Variants in ESR1 observed in about 807,000 individuals in gnomAD.
ESR1 encodes the protein estrogen receptor.
In ESR1, 12 loss-of-function variants were observed where a neutral mutation model predicts 52.7. The ratio of observed to expected loss-of-function variants is 0.23; its 90% CI spans 0.15 to 0.37. The LOEUF (loss-of-function observed/expected upper bound fraction) is 0.37. Ranked by LOEUF, ESR1 falls within the 10% of genes least tolerant of loss-of-function variation. The pLI, the probability that ESR1 is intolerant of heterozygous loss-of-function variation, is 1.00. For missense variants in ESR1, 584 were observed against 779.7 expected, an observed-to-expected ratio of 0.75 and a Z score of 2.99; for synonymous variants, 305 against 316.8, an observed-to-expected ratio of 0.96 and a Z score of 0.39.
chr6:151,869,850 G>T (rs577293256), intron 2 of ESR1, among the ~76,000 whole-genome samples: 1 of 152,110 alleles, frequency 6.6e-6, no homozygotes, highest in Non-Finnish European at 1.5e-5. Flanking sequence ...GGAGGTGGTG[G>T]TTGTCACTGA....
intron 3 of ESR1, among the ~76,000 whole-genome samples, chr6:151,899,755 G>C: frequency 6.6e-6 from 1 of 151,666 alleles, no homozygotes; most frequent in East Asian, 2.0e-4. Context: ...TCACATCCCA[G>C]ACGGGGCGGC....
At chr6:151,899,731 G>A (rs1045616435) in intron 3 of ESR1, among the ~76,000 whole-genome samples, 15 of 151,092 alleles carry the variant, frequency 9.9e-5, no homozygotes, top group Admixed American at 3.9e-4. Context: ...GGGGCGGCCC[G>A]GCAGAGACGC....
At chr6:151,722,749 C>T (rs575088393) in intron 2 of ESR1, among the ~76,000 whole-genome samples, 12 of 152,318 alleles carry the variant, frequency 7.9e-5, no homozygotes, top group Admixed American at 5.9e-4. Context: ...AATTTCATAA[C>T]ATTTATTAGA....
intron 4 of ESR1, among the ~76,000 whole-genome samples, 175 bp from the exon 5 acceptor site, chr6:152,011,481 G>A (rs1332581067): frequency 6.6e-6 from 1 of 152,120 alleles, no homozygotes; most frequent in African/African-American, 2.4e-5. Flanking sequence ...GAAATTCATT[G>A]AGATAGCTAG....
intron 3 of ESR1, among the ~76,000 whole-genome samples, chr6:151,940,379 A>G (rs1039607724): frequency 1.3e-5 from 2 of 152,168 alleles, no homozygotes; most frequent in African/African-American, 4.8e-5. Context: ...TGTTAGCGCT[A>G]AGTGAATCTA....
chr6:151,831,993 T>A (rs143853950), intron 1 of ESR1, among the ~76,000 whole-genome samples: 492 of 152,352 alleles, frequency 3.2e-3, no homozygotes, highest in Middle Eastern at 6.8e-3. Context: ...GTCATTTTTG[T>A]GGAAGAAATT....
intron 3 of ESR1, among the ~76,000 whole-genome samples, chr6:151,936,505 T>C (rs2034374458): frequency 6.6e-6 from 1 of 152,188 alleles, no homozygotes; most frequent in Admixed American, 6.5e-5. Context: ...AAACTAAGAA[T>C]TTCAAATTGA....
intron 4 of ESR1, among the ~76,000 whole-genome samples, chr6:151,969,546 C>T (rs1021049535): frequency 6.6e-6 from 1 of 152,192 alleles, no homozygotes; most frequent in African/African-American, 2.4e-5. Flanking sequence ...GGGCCAGCAG[C>T]AGGTGGTGGC....
intron 6 of ESR1, among the ~76,000 whole-genome samples, chr6:152,072,352 AT>A (rs890766575): frequency 9.9e-5 from 15 of 151,346 alleles, no homozygotes; most frequent in African/African-American, 2.9e-4. Flanking sequence ...TTTGCCACTG[AT>A]TTTTTTTTAA....
intron 2 of ESR1, among the ~76,000 whole-genome samples, chr6:151,707,958 T>C (rs1780309085): frequency 6.6e-6 from 1 of 152,188 alleles, no homozygotes. Flanking sequence ...TGCATATTTC[T>C]ATTATGTTAC....
intron 1 of ESR1, among the ~76,000 whole-genome samples, chr6:151,839,664 C>A (rs1783960014): frequency 6.6e-6 from 1 of 152,060 alleles, no homozygotes; most frequent in Admixed American, 6.6e-5. Flanking sequence ...TTAGTCACAT[C>A]ATGGACCTTC....
chr6:152,014,837 C>G (rs1249333670), intron 5 of ESR1, among the ~76,000 whole-genome samples: 1 of 152,090 alleles, frequency 6.6e-6, no homozygotes, highest in Admixed American at 6.6e-5. Context: ...CAGCTGTGAT[C>G]ATGATGCTTC....
chr6:151,686,928 G>A (rs1778712726), upstream of ESR1, among the ~76,000 whole-genome samples: 1 of 152,178 alleles, frequency 6.6e-6, no homozygotes, highest in Non-Finnish European at 1.5e-5. Flanking sequence ...ATGTGCTCAT[G>A]GGTCCAGAGC....
At chr6:151,775,512 C>T (rs1462305627) in intron 2 of ESR1, among the ~76,000 whole-genome samples, 1 of 152,070 alleles carries the variant, frequency 6.6e-6, no homozygotes, top group African/African-American at 2.4e-5. Context: ...CTTTGGGAAG[C>T]CGAAGCGGGC....
chr6:151,851,161 C>T (rs1320183053), intron 2 of ESR1, among the ~76,000 whole-genome samples: 1 of 152,180 alleles, frequency 6.6e-6, no homozygotes, highest in Non-Finnish European at 1.5e-5. Flanking sequence ...GCACTCCAGA[C>T]ACAGTGAATT....
At chr6:151,845,971 C>A (rs1285379894) in intron 2 of ESR1, among the ~76,000 whole-genome samples, 1 of 152,116 alleles carries the variant, frequency 6.6e-6, no homozygotes, top group Non-Finnish European at 1.5e-5. Flanking sequence ...GGGATACAGA[C>A]TGATAAACCA....
At chr6:151,868,775 C>T (rs1790417603) in intron 2 of ESR1, among the ~76,000 whole-genome samples, 1 of 152,076 alleles carries the variant, frequency 6.6e-6, no homozygotes, top group Non-Finnish European at 1.5e-5. Context: ...CATATGGGTG[C>T]ATGTGTCTTT....
Position 151,975,094 on chromosome 6 carries a change from C to CTAGATCTTGCTAAAGA in ESR1, c.1096+30597_1096+30598insAAAGATAGATCTTGCT, listed in dbSNP as rs374223370. On this transcript the variant is annotated intron_variant, in intron 4 of 7. Transcript: ENST00000206249. ...ATTCAAATTTATGATCTGAACTTAA[C>CTAGATCTTGCTAAAGA]TAGATCTTGCTGAAGATTGACCTGG... Among the ~76,000 whole-genome samples the CTAGATCTTGCTAAAGA allele has an allele frequency of 6.1e-3, 928 of 152,304 alleles. 10 individuals are homozygous for CTAGATCTTGCTAAAGA. The highest frequency in any genetic ancestry group is 0.017 in the African/African-American group (707 of 41,554).
At chr6:151,780,959 AATATTGAG>A (rs1786487500) in intron 2 of ESR1, among the ~76,000 whole-genome samples, 1 of 152,266 alleles carries the variant, frequency 6.6e-6, no homozygotes. Context: ...CGGGCTTTAA[AATATTGAG>A]ATTTTGGTGA....
Sources: gnomAD v4.1 joint callset for allele counts (sites outside exome capture counted in the v4.1 genomes callset) on GRCh38, gnomAD v4.1.1 for gene constraint, MANE v1.5 for transcripts, NCBI Gene and HGNC (gene_info 2026-07-23, HGNC 2026-07-21) for gene names.